The following TMEM178B variants were observed in gnomAD, a reference collection of about 807,000 sequenced individuals.
TMEM178B encodes the protein transmembrane protein 178B.
In TMEM178B, 5 loss-of-function variants were observed where a neutral mutation model predicts 31.0. That is an observed-to-expected ratio of 0.16 (90% CI 0.08 to 0.34). TMEM178B has a LOEUF of 0.34. Ranked by LOEUF, TMEM178B falls within the 10% of genes least tolerant of loss-of-function variation. The probability of loss-of-function intolerance (pLI) is 1.00; values close to 1 mark genes in which losing one functional copy is unlikely to be tolerated. For missense variants in TMEM178B, 275 were observed against 400.3 expected (o/e 0.69, Z 2.67); for synonymous variants, 164 against 164.0 (o/e 1.00, Z 0.00).
At chr7:141,269,619 G>C (rs1405414879) in intron 2 of TMEM178B, among the ~76,000 whole-genome samples, 1 of 152,062 alleles carries the variant, frequency 6.6e-6, no homozygotes, top group Non-Finnish European at 1.5e-5. Flanking sequence ...TTTTTTCCAT[G>C]AATTTTTGGA....
At chr7:141,298,736 A>T (rs1798675999) in intron 2 of TMEM178B, among the ~76,000 whole-genome samples, 1 of 152,250 alleles carries the variant, frequency 6.6e-6, no homozygotes, top group Non-Finnish European at 1.5e-5. Flanking sequence ...AATCTGGTAA[A>T]CAAGTAAATA....
chr7:141,118,610 G>C (rs1246292036), intron 1 of TMEM178B, among the ~76,000 whole-genome samples: 2 of 152,224 alleles, frequency 1.3e-5, no homozygotes, highest in Middle Eastern at 3.2e-3. Context: ...GCTCGTTAGA[G>C]TCCTGTGCAA....
intron 3 of TMEM178B, among the ~76,000 whole-genome samples, chr7:141,462,779 ACACT>A (rs1802081378): frequency 6.6e-6 from 1 of 152,078 alleles, no homozygotes; most frequent in East Asian, 1.9e-4. Flanking sequence ...CCTCTCTTTC[ACACT>A]CACAGTGTGA....
intron 1 of TMEM178B, among the ~76,000 whole-genome samples, chr7:141,172,476 G>A (rs886347199): frequency 6.6e-6 from 1 of 152,182 alleles, no homozygotes; most frequent in Non-Finnish European, 1.5e-5. Context: ...ACAAAACAAG[G>A]CTGAGGAGGG....
At chr7:141,178,037 C>T (rs1300664580) in intron 1 of TMEM178B, among the ~76,000 whole-genome samples, 4 of 152,160 alleles carry the variant, frequency 2.6e-5, no homozygotes, top group Admixed American at 6.5e-5. Flanking sequence ...TTCATAGCAT[C>T]GATGGCCTTT....
chr7:141,105,947 T>C (rs1378489264), intron 1 of TMEM178B, among the ~76,000 whole-genome samples: 2 of 151,862 alleles, frequency 1.3e-5, no homozygotes, highest in South Asian at 2.1e-4. Context: ...ATATAAAAAT[T>C]AGCCGGGCGT....
At chr7:141,097,668 A>G (rs984104252) in intron 1 of TMEM178B, among the ~76,000 whole-genome samples, 6 of 151,982 alleles carry the variant, frequency 3.9e-5, no homozygotes, top group Non-Finnish European at 8.8e-5. Context: ...AAATTTGCAA[A>G]CTTTCCCAAA....
In TMEM178B at chr7:141,308,104, C is replaced by T. The variant is rs924033627; in HGVS notation, c.496+95400C>T. Among the ~76,000 whole-genome samples, 6 of 152,116 alleles carry T rather than the reference C, an allele frequency of 3.9e-5. 1 individual carries two copies. Among genetic ancestry groups the T allele is most frequent in the Admixed American group, 1.3e-4 (2 of 15,274 alleles). On this transcript the variant is annotated intron_variant, in intron 2 of 3. Transcript: ENST00000565468. ...TATCCCCTTTTGAAGATGAAGAAGC[C>T]GGGGAAGGAGGGATGAATAACTTGC...
chr7:141,170,135 T>G (rs1252420721), intron 1 of TMEM178B, among the ~76,000 whole-genome samples: 1 of 152,224 alleles, frequency 6.6e-6, no homozygotes, highest in Non-Finnish European at 1.5e-5. Flanking sequence ...CTTTGGGTTC[T>G]CTCCTTAGCC....
the TMEM178B span, among the ~76,000 whole-genome samples, chr7:141,510,774 A>AC: frequency 6.6e-6 from 1 of 150,780 alleles, no homozygotes; most frequent in Non-Finnish European, 1.5e-5. Flanking sequence ...GCAACCCAAA[A>AC]CCCTTGGTTT....
At chr7:141,444,164 T>G (rs565577204) in intron 3 of TMEM178B, among the ~76,000 whole-genome samples, 2 of 152,302 alleles carry the variant, frequency 1.3e-5, no homozygotes, top group South Asian at 4.1e-4. Context: ...TATGGGTGAT[T>G]GGGTGCTAGG....
At chr7:141,276,334 A>G (rs1798265985) in intron 2 of TMEM178B, among the ~76,000 whole-genome samples, 1 of 152,162 alleles carries the variant, frequency 6.6e-6, no homozygotes, top group South Asian at 2.1e-4. Flanking sequence ...ATGAGTTTGT[A>G]TTAGTCTGTT....
At position 141,473,238 on chromosome 7, in the gene TMEM178B, AG is replaced by A. The variant is rs1486584707; in HGVS notation, c.*2453del. The A allele has an allele frequency of 6.6e-6, 1 of 152,214 alleles. No homozygotes were observed. The highest frequency in any genetic ancestry group is 2.4e-5 in the African/African-American group (1 of 41,454). The allele number at this position is 152,214 out of a possible 1,614,324, so 9.4% of individuals were successfully genotyped here. A position where few individuals can be genotyped will look rare whatever the true frequency, so the allele number is the denominator to read the frequency against. Reference sequence around the variant, plus strand: ...TTGGGCTTAAGGAAAAGTGAAGAAAAGTATCTCAGATTGAGAGGCCTTTTGT... The same window carrying A: ...TTGGGCTTAAGGAAAAGTGAAGAAAATATCTCAGATTGAGAGGCCTTTTGT... On this transcript the variant is annotated 3_prime_UTR_variant, in exon 4 of 4. Coordinates refer to ENST00000565468, the MANE Select transcript of TMEM178B (RefSeq NM_001195278.2).
chr7:141,146,520 A>G (rs913787469), intron 1 of TMEM178B, among the ~76,000 whole-genome samples: 5 of 152,220 alleles, frequency 3.3e-5, no homozygotes, highest in African/African-American at 1.2e-4. Context: ...TACATCATGT[A>G]TATACAGAGT....
chr7:141,382,004 T>G (rs1159670448), intron 2 of TMEM178B, among the ~76,000 whole-genome samples: 1 of 152,208 alleles, frequency 6.6e-6, no homozygotes, highest in Admixed American at 6.5e-5. Context: ...GTCTAATATT[T>G]ATCTCAAATG....
intron 2 of TMEM178B, among the ~76,000 whole-genome samples, chr7:141,266,964 C>T (rs1257728756): frequency 1.3e-5 from 2 of 152,230 alleles, no homozygotes; most frequent in Admixed American, 1.3e-4. Flanking sequence ...GGGCCTGCCT[C>T]TCATTTCTCT....
rs1268683177 is a variant in TMEM178B at position 141,477,733 on chromosome 7, T to C, written c.*6947T>C. The C allele has an allele frequency of 6.6e-6, 1 of 152,212 alleles. No homozygotes were observed. The highest frequency in any genetic ancestry group is 1.9e-4 in the East Asian group (1 of 5,186). The allele number at this position is 152,212 out of a possible 1,614,324, so 9.4% of individuals were successfully genotyped here. ...AGTCCCCTTGTGTATTTTGCTGCTA[T>C]TTCTAGAGAGACTTTGAGCCCTTGC... On this transcript the variant is annotated 3_prime_UTR_variant, in exon 4 of 4. Coordinates refer to ENST00000565468, the MANE Select transcript of TMEM178B (RefSeq NM_001195278.2).
chr7:141,079,989 C>T (rs1419008186), intron 1 of TMEM178B, among the ~76,000 whole-genome samples: 5 of 152,066 alleles, frequency 3.3e-5, no homozygotes, highest in Non-Finnish European at 5.9e-5. Context: ...TAGAATCTAT[C>T]GGGGCAGGAG....
intron 1 of TMEM178B, among the ~76,000 whole-genome samples, chr7:141,092,006 G>A (rs901547743): frequency 1.3e-5 from 2 of 152,190 alleles, no homozygotes; most frequent in East Asian, 3.8e-4. Flanking sequence ...GGGATTATAA[G>A]TGTGAGCTAC....
Sources: gnomAD v4.1 joint callset for allele counts (sites outside exome capture counted in the v4.1 genomes callset) on GRCh38, gnomAD v4.1.1 for gene constraint, MANE v1.5 for transcripts, NCBI Gene and HGNC (gene_info 2026-07-23, HGNC 2026-07-21) for gene names.